The following SKAP1 variants were observed in gnomAD, a reference collection of about 807,000 sequenced individuals.
SKAP1 encodes src kinase associated phosphoprotein 1, also known as src kinase-associated phosphoprotein 1.
In SKAP1, 44 loss-of-function variants were observed where a neutral mutation model predicts 58.5. That is an observed-to-expected ratio of 0.75 (90% CI 0.59 to 0.97). The LOEUF is 0.97. Ranked by LOEUF, SKAP1 falls within the 50% of genes least tolerant of loss-of-function variation. SKAP1 has a pLI of 0.00. For synonymous variants in SKAP1, 127 were observed against 149.7 expected (o/e 0.85, Z 1.11); for missense variants, 390 against 435.2 (o/e 0.90, Z 0.92).
At chr17:48,385,228 AG>A (rs2067261336) in intron 2 of SKAP1, among the ~76,000 whole-genome samples, 2 of 152,136 alleles carry the variant, frequency 1.3e-5, no homozygotes, top group Admixed American at 6.5e-5. Flanking sequence ...GCTGGATTAA[AG>A]GGGACTGAAT....
At chr17:48,378,009 G>A (rs1474810619) in intron 2 of SKAP1, among the ~76,000 whole-genome samples, 1 of 152,038 alleles carries the variant, frequency 6.6e-6, no homozygotes, top group Non-Finnish European at 1.5e-5. Context: ...TGAAACTTGG[G>A]AATCATCCCT....
chr17:48,179,012 T>C (rs2064331731), intron 9 of SKAP1, among the ~76,000 whole-genome samples: 1 of 151,920 alleles, frequency 6.6e-6, no homozygotes, highest in African/African-American at 2.4e-5. Context: ...ATGAATGCAG[T>C]GTGGAGAGGG....
intron 9 of SKAP1, among the ~76,000 whole-genome samples, chr17:48,177,344 G>A (rs144594328): frequency 0.01 from 1,533 of 152,294 alleles, 11 homozygotes; most frequent in Non-Finnish European, 0.015. Context: ...CTCACTGTAT[G>A]CCATTGTTTG....
At chr17:48,185,624 C>T (rs1225564469) in intron 6 of SKAP1, among the ~76,000 whole-genome samples, 3 of 152,048 alleles carry the variant, frequency 2.0e-5, no homozygotes, top group Non-Finnish European at 4.4e-5. Context: ...GTCTGGGATG[C>T]TTTGAGCTCT....
chr17:48,425,284 C>A (rs895814881), intron 1 of SKAP1, among the ~76,000 whole-genome samples: 10 of 151,996 alleles, frequency 6.6e-5, no homozygotes, highest in Admixed American at 6.6e-5. Context: ...CCTCAGGAGA[C>A]AATAACAAGT....
At chr17:48,331,459 G>C (rs2066505732) in intron 4 of SKAP1, among the ~76,000 whole-genome samples, 2 of 151,806 alleles carry the variant, frequency 1.3e-5, no homozygotes, top group Non-Finnish European at 2.9e-5. Flanking sequence ...CAGCACTTTG[G>C]GAGGCCAAGG....
intron 4 of SKAP1, among the ~76,000 whole-genome samples, chr17:48,277,619 T>A (rs944488210): frequency 3.9e-5 from 6 of 152,126 alleles, no homozygotes; most frequent in African/African-American, 1.4e-4. Flanking sequence ...GTGAAAAAAA[T>A]TTTTAACAAA....
At chr17:48,340,164 A>C (rs2066631125) in intron 4 of SKAP1, among the ~76,000 whole-genome samples, 2 of 152,068 alleles carry the variant, frequency 1.3e-5, no homozygotes, top group African/African-American at 4.8e-5. Flanking sequence ...TGGGCAACAG[A>C]GCTAGACTCC....
At chr17:48,311,844 GAC>G (rs1172151720) in intron 4 of SKAP1, among the ~76,000 whole-genome samples, 1 of 152,074 alleles carries the variant, frequency 6.6e-6, no homozygotes, top group African/African-American at 2.4e-5. Context: ...CATATATTCT[GAC>G]ACAAAAAGAT....
intron 11 of SKAP1, among the ~76,000 whole-genome samples, chr17:48,149,898 A>G (rs1391453202): frequency 6.6e-6 from 1 of 152,194 alleles, no homozygotes; most frequent in Non-Finnish European, 1.5e-5. Flanking sequence ...TTTAATGGCA[A>G]AGTTGTGAAG....
chr17:48,327,973 G>A (rs2066459527), intron 4 of SKAP1, among the ~76,000 whole-genome samples: 1 of 152,126 alleles, frequency 6.6e-6, no homozygotes, highest in Non-Finnish European at 1.5e-5. Context: ...ACTCATGCAC[G>A]AAAGTGTTAC....
intron 1 of SKAP1, among the ~76,000 whole-genome samples, chr17:48,397,716 C>A (rs898067510): frequency 8.5e-5 from 13 of 152,048 alleles, no homozygotes; most frequent in African/African-American, 3.1e-4. Context: ...ATGAAAATGA[C>A]AATACAACCA....
rs145566141 is a variant in SKAP1, at chr17:48,180,001, G to A, written c.826+53C>T. ...TTTCAAAGTTATTATTCTTCCACCA[G>A]GTCATGAATTTCTGAAACTAGCATA... On this transcript the variant is annotated intron_variant, in intron 9 of 12. Transcript: ENST00000336915. 2.1e-6 allele frequency: 3 copies of A among 1,461,324 alleles called. No individual in the cohort carries two copies. The African/African-American group carries it at 4.3e-5, about 21-fold the overall frequency. 90.5% of individuals were successfully genotyped at this position (1,461,324 alleles called of 1,614,324 possible). A position where few individuals can be genotyped will look rare whatever the true frequency, so the allele number is the denominator to read the frequency against.
intron 4 of SKAP1, among the ~76,000 whole-genome samples, chr17:48,217,229 T>C (rs961926653): frequency 2.0e-5 from 3 of 152,024 alleles, no homozygotes; most frequent in Admixed American, 6.6e-5. Context: ...GGACAATCAA[T>C]AGAAAGCAAG....
At chr17:48,139,070 G>C (rs541875363) in intron 11 of SKAP1, among the ~76,000 whole-genome samples, 2 of 151,308 alleles carry the variant, frequency 1.3e-5, no homozygotes, top group Non-Finnish European at 2.9e-5. Context: ...TAGTAAAGAC[G>C]GTGTTTCACC....
chr17:48,198,282 C>T (rs1204428700), intron 4 of SKAP1, among the ~76,000 whole-genome samples: 1 of 151,602 alleles, frequency 6.6e-6, no homozygotes, highest in African/African-American at 2.4e-5. Flanking sequence ...GGTGAAACCC[C>T]GTTTCTACTA....
At chr17:48,403,199 C>CA (rs34653121) in intron 1 of SKAP1, among the ~76,000 whole-genome samples, 36,452 of 89,146 alleles carry the variant, frequency 0.41, 5,088 homozygotes, top group Middle Eastern at 0.46. Flanking sequence ...CCTGTCTCTA[C>CA]AAAAAAAAAA....
At chr17:48,343,657 G>A (rs1386993989) in intron 4 of SKAP1, among the ~76,000 whole-genome samples, 3 of 152,116 alleles carry the variant, frequency 2.0e-5, no homozygotes, top group African/African-American at 7.2e-5. Context: ...GAGTTTTCCA[G>A]ATTTACCTCT....
At chr17:48,407,147 T>A (rs185035708) in intron 1 of SKAP1, among the ~76,000 whole-genome samples, 4 of 152,290 alleles carry the variant, frequency 2.6e-5, no homozygotes, top group Admixed American at 1.3e-4. Context: ...AATTACCACT[T>A]AGGAGAAAAC....
Sources: gnomAD v4.1 joint callset for allele counts (sites outside exome capture counted in the v4.1 genomes callset) on GRCh38, gnomAD v4.1.1 for gene constraint, MANE v1.5 for transcripts, NCBI Gene and HGNC (gene_info 2026-07-23, HGNC 2026-07-21) for gene names.